Variants in DRC8 observed in about 807,000 individuals in gnomAD.
The protein encoded by DRC8 is dynein regulatory complex protein 8.
chr1:244,995,175 A>T, the DRC8 span, among the ~76,000 whole-genome samples: 5 of 152,084 alleles, frequency 3.3e-5, no homozygotes, highest in African/African-American at 1.2e-4. Context: ...ATCCTGGCCA[A>T]CATGGCGAAA....
At chr1:245,102,236 C>T in the DRC8 span, among the ~76,000 whole-genome samples, 2 of 152,132 alleles carry the variant, frequency 1.3e-5, no homozygotes, top group East Asian at 3.9e-4. Context: ...AACTGTGGTC[C>T]TACTAGTTCT....
At chr1:245,081,537 C>G in the DRC8 span, among the ~76,000 whole-genome samples, 1 of 152,000 alleles carries the variant, frequency 6.6e-6, no homozygotes, top group African/African-American at 2.4e-5. Flanking sequence ...GGTGCGATCT[C>G]GGCTCACTGC....
At chr1:245,117,343 C>T in the DRC8 span, among the ~76,000 whole-genome samples, 6 of 151,884 alleles carry the variant, frequency 4.0e-5, no homozygotes, top group African/African-American at 7.3e-5. Context: ...CATGAGCCAC[C>T]GTGCCCGGCC....
At chr1:245,111,763 T>G in the DRC8 span, among the ~76,000 whole-genome samples, 2 of 152,134 alleles carry the variant, frequency 1.3e-5, no homozygotes, top group African/African-American at 4.8e-5. Flanking sequence ...GGGTGGGACA[T>G]AGTAGCTCAT....
chr1:245,118,530 G>A, the DRC8 span, among the ~76,000 whole-genome samples: 5 of 152,256 alleles, frequency 3.3e-5, no homozygotes, highest in South Asian at 1.0e-3. Flanking sequence ...AGTGGCTCAC[G>A]CCTGTAATCC....
chr1:244,992,572 C>T, the DRC8 span, among the ~76,000 whole-genome samples: 1 of 152,050 alleles, frequency 6.6e-6, no homozygotes, highest in Non-Finnish European at 1.5e-5. Flanking sequence ...AACCCTGTCT[C>T]TACTAAAAAT....
the DRC8 span, among the ~76,000 whole-genome samples, chr1:245,089,880 C>A: frequency 3.3e-5 from 5 of 152,058 alleles, no homozygotes; most frequent in African/African-American, 9.7e-5. This position sits in a 1 kb window ranked among gnomAD's most constrained non-coding sequence, Gnocchi z 4.8. Context: ...GAACAATGAA[C>A]CAACGCTTGT....
the DRC8 span, among the ~76,000 whole-genome samples, chr1:245,029,053 C>T: frequency 1.3e-5 from 2 of 152,122 alleles, no homozygotes; most frequent in Non-Finnish European, 2.9e-5. Flanking sequence ...GGCTAAGTGG[C>T]ATAAATGCCA....
chr1:245,100,737 G>A, the DRC8 span, among the ~76,000 whole-genome samples: 6 of 148,962 alleles, frequency 4.0e-5, no homozygotes, highest in Admixed American at 2.7e-4. Context: ...AACAGTGATC[G>A]GTCTACTGCA....
At chr1:244,970,168 G>T in the DRC8 span, 1 of 702,136 alleles carries the variant, frequency 1.4e-6, no homozygotes, top group Admixed American at 2.2e-5. Context: ...GGTCTGGAGG[G>T]ACAAGGCCGG....
chr1:245,087,407 C>T, the DRC8 span: 9 of 1,540,668 alleles, frequency 5.8e-6, no homozygotes, highest in East Asian at 1.8e-4. Flanking sequence ...TTAGAAATTG[C>T]TTGTTCTTGT....
At chr1:245,104,835 G>A in the DRC8 span, among the ~76,000 whole-genome samples, 31 of 152,250 alleles carry the variant, frequency 2.0e-4, no homozygotes, top group African/African-American at 6.3e-4. Flanking sequence ...TCAAATTTCC[G>A]CTCTTGTCTC....
the DRC8 span, among the ~76,000 whole-genome samples, chr1:245,058,510 G>T: frequency 6.6e-6 from 1 of 152,090 alleles, no homozygotes; most frequent in African/African-American, 2.4e-5. Flanking sequence ...TAAATAGGGA[G>T]TAAATATAAT....
At chr1:245,027,025 G>A in the DRC8 span, among the ~76,000 whole-genome samples, 13 of 152,234 alleles carry the variant, frequency 8.5e-5, no homozygotes, top group East Asian at 2.5e-3. Context: ...TCTTGGTATT[G>A]GCTGTCGTAT....
the DRC8 span, among the ~76,000 whole-genome samples, chr1:245,097,772 C>G: frequency 6.6e-6 from 1 of 151,960 alleles, no homozygotes; most frequent in Non-Finnish European, 1.5e-5. This position sits in a 1 kb window ranked among gnomAD's most constrained non-coding sequence, Gnocchi z 5.0. Flanking sequence ...GAGCAGTGGC[C>G]TGAAGGAAAT....
chr1:245,044,292 A>G, the DRC8 span, among the ~76,000 whole-genome samples: 1 of 152,230 alleles, frequency 6.6e-6, no homozygotes, highest in Non-Finnish European at 1.5e-5. Flanking sequence ...CAATGGAAAT[A>G]AAACCACAAT....
the DRC8 span, among the ~76,000 whole-genome samples, chr1:245,080,050 A>G: frequency 7.4e-3 from 1,130 of 152,218 alleles, 13 homozygotes; most frequent in African/African-American, 0.026. Flanking sequence ...TGAGGGTTCT[A>G]CCTTGCTAGG....
At chr1:244,997,127 A>G in the DRC8 span, among the ~76,000 whole-genome samples, 29 of 152,320 alleles carry the variant, frequency 1.9e-4, no homozygotes, top group South Asian at 6.2e-4. Context: ...TTTTTCCCCA[A>G]ATATTTTCAA....
the DRC8 span, among the ~76,000 whole-genome samples, chr1:245,118,892 A>T: frequency 6.6e-6 from 1 of 152,222 alleles, no homozygotes; most frequent in Non-Finnish European, 1.5e-5. Context: ...AAGACATTAT[A>T]TAAGGAGAGA....
Sources: gnomAD v4.1 joint callset for allele counts (sites outside exome capture counted in the v4.1 genomes callset) on GRCh38, gnomAD v4.1.1 for gene constraint, Gnocchi (gnomAD v3.1) non-coding constraint, MANE v1.5 for transcripts, NCBI Gene and HGNC (gene_info 2026-07-23, HGNC 2026-07-21) for gene names.